Variants in FGGY observed in about 807,000 individuals in gnomAD.
FGGY encodes the protein FGGY carbohydrate kinase domain containing.
A neutral mutation model predicts 71.3 loss-of-function variants in FGGY; 72 were observed. The observed-to-expected ratio is 1.01, with a 90% CI of 0.84 to 1.23. FGGY has a LOEUF of 1.23. Among genes scored for constraint, FGGY ranks in the 50% most tolerant of loss-of-function variants. The probability of loss-of-function intolerance (pLI) is 0.00; values close to 1 mark genes in which losing one functional copy is unlikely to be tolerated. For synonymous variants in FGGY, 251 were observed against 250.3 expected (o/e 1.00, Z -0.02); for missense variants, 668 against 682.3 (o/e 0.98, Z 0.23).
Position 59,437,322 on chromosome 1 carries a change from C to T in FGGY, c.555-19639C>T, listed in dbSNP as rs79907692. Among the ~76,000 whole-genome samples, 530 of 152,304 alleles carry T rather than the reference C, an allele frequency of 3.5e-3. 5 individuals are homozygous for T. Among genetic ancestry groups the T allele is most frequent in the African/African-American group, 0.012 (481 of 41,562 alleles). On this transcript the variant is annotated intron_variant, in intron 5 of 15. Coordinates refer to ENST00000303721, the MANE Select transcript of FGGY (RefSeq NM_018291.5). The stretch of plus-strand genomic sequence containing the variant: ...AAAAGTGTGAGTGCAGAGATAAACC[C>T]ACTCCTGCCCTATAACGACAGTAAC...
At chr1:59,427,255 C>T (rs911953193) in intron 5 of FGGY, among the ~76,000 whole-genome samples, 1 of 152,194 alleles carries the variant, frequency 6.6e-6, no homozygotes, top group African/African-American at 2.4e-5. Flanking sequence ...TGTCTGGTGA[C>T]AGCAGCTGGG....
chr1:59,468,217 C>G (rs2092749401), intron 6 of FGGY, among the ~76,000 whole-genome samples: 1 of 152,116 alleles, frequency 6.6e-6, no homozygotes, highest in Admixed American at 6.6e-5. Context: ...TCAATTGTTT[C>G]TAAACCACAA....
chr1:59,681,339 TC>T (rs1440131327), intron 14 of FGGY, among the ~76,000 whole-genome samples: 1 of 151,996 alleles, frequency 6.6e-6, no homozygotes, highest in African/African-American at 2.4e-5. Context: ...CTCTCTCACC[TC>T]CCCCCACAAT....
chr1:59,752,028 A>C (rs1339302471), intron 14 of FGGY, among the ~76,000 whole-genome samples: 1 of 152,230 alleles, frequency 6.6e-6, no homozygotes, highest in Non-Finnish European at 1.5e-5. Flanking sequence ...CACTCTCCTC[A>C]CAAGAACCTC....
At chr1:59,569,756 G>A (rs1217845068) in intron 8 of FGGY, among the ~76,000 whole-genome samples, 3 of 152,150 alleles carry the variant, frequency 2.0e-5, no homozygotes. Flanking sequence ...TATGGAATTT[G>A]ATGCTCAGAA....
intron 2 of FGGY, among the ~76,000 whole-genome samples, chr1:59,331,088 G>C (rs558352461): frequency 6.6e-6 from 1 of 152,154 alleles, no homozygotes; most frequent in South Asian, 2.1e-4. Context: ...TAAATGGCTA[G>C]ATTAGACTAT....
intron 6 of FGGY, among the ~76,000 whole-genome samples, chr1:59,462,273 G>A (rs2092298033): frequency 6.6e-6 from 1 of 152,106 alleles, no homozygotes; most frequent in Non-Finnish European, 1.5e-5. Flanking sequence ...AGCTGAAACT[G>A]GATCCCTTCC....
chr1:59,422,488 A>C (rs573990166), intron 5 of FGGY, among the ~76,000 whole-genome samples: 2 of 152,266 alleles, frequency 1.3e-5, no homozygotes, highest in South Asian at 4.1e-4. Context: ...TGAGCCCAGG[A>C]GTTTGAGACC....
intron 5 of FGGY, among the ~76,000 whole-genome samples, chr1:59,404,530 G>C (rs1391353878): frequency 6.6e-6 from 1 of 152,160 alleles, no homozygotes; most frequent in African/African-American, 2.4e-5. Context: ...ATAGAGCACA[G>C]GTAGTTGTTG....
intron 13 of FGGY, 132 bp downstream of exon 13, chr1:59,667,535 T>C (rs953047638): frequency 8.7e-7 from 1 of 1,144,640 alleles, no homozygotes; most frequent in East Asian, 2.4e-5. Context: ...CTGAAGTCTT[T>C]ATATTCACAA....
intron 11 of FGGY, among the ~76,000 whole-genome samples, chr1:59,657,251 A>C (rs528969839): frequency 1.1e-4 from 16 of 152,230 alleles, no homozygotes; most frequent in Non-Finnish European, 1.2e-4. Context: ...CCCAACAAAA[A>C]TCATCCAAAT....
intron 6 of FGGY, among the ~76,000 whole-genome samples, chr1:59,466,702 A>G (rs1435071051): frequency 2.6e-5 from 4 of 152,254 alleles, no homozygotes; most frequent in African/African-American, 9.6e-5. Context: ...AACGGATATG[A>G]ACAGACACTT....
rs72664552 is a variant in FGGY at position 59,414,840 on chromosome 1, C to T, written c.554+36003C>T. Among the ~76,000 whole-genome samples, 841 of 152,346 alleles carry T rather than the reference C, an allele frequency of 5.5e-3. 2 individuals carry two copies. The highest frequency in any genetic ancestry group is 0.01 in the Admixed American group (158 of 15,304). ...CCCTCTGTGTCCTCCATTAGCTGAA[C>T]CTGGCTGGAGGCCAGAGGCAGAAGA... On this transcript the variant is annotated intron_variant, in intron 5 of 15. Coordinates refer to ENST00000303721, the MANE Select transcript of FGGY (RefSeq NM_018291.5).
chr1:59,758,834 G>C (rs1372528445), intron 15 of FGGY, among the ~76,000 whole-genome samples: 1 of 152,112 alleles, frequency 6.6e-6, no homozygotes, highest in Non-Finnish European at 1.5e-5. Flanking sequence ...GTAGGGGGAG[G>C]TCAGCTCATA....
chr1:59,682,501 G>A (rs1387412174), intron 14 of FGGY, among the ~76,000 whole-genome samples: 2 of 152,166 alleles, frequency 1.3e-5, no homozygotes. Flanking sequence ...TGACCCTCGG[G>A]TTTGTAACAG....
rs531109373 is a variant in FGGY at position 59,734,396 on chromosome 1, G to T, written c.1513-23535G>T. Among the ~76,000 whole-genome samples the T allele has an allele frequency of 7.9e-5, 12 of 152,168 alleles. No individual in the cohort carries two copies. The East Asian group carries it at 2.3e-3, about 30-fold the overall frequency. ...TTTTTGTGTTTTTTTGTAGAGACGG[G>T]GTTTTGCCACATTGGCCAGACTGAT... is the stretch of plus-strand genomic sequence containing the variant. On this transcript the variant is annotated intron_variant, in intron 14 of 15. Coordinates refer to ENST00000303721, the MANE Select transcript of FGGY (RefSeq NM_018291.5).
chr1:59,306,736 G>A (rs2043492941), intron 1 of FGGY, among the ~76,000 whole-genome samples: 1 of 152,210 alleles, frequency 6.6e-6, no homozygotes, highest in South Asian at 2.1e-4. Flanking sequence ...GGGAGGGAAG[G>A]TAGAGAATGG....
chr1:59,566,125 T>C lies in FGGY; in HGVS notation c.903+11898T>C, dbSNP rs567613766. On this transcript the variant is annotated intron_variant, in intron 8 of 15. Coordinates refer to ENST00000303721, the MANE Select transcript of FGGY (RefSeq NM_018291.5). Reference sequence around the variant, plus strand: ...TGTTGTGTGGGTGATTCTGATATTGTGGCTGCTGAGGGTTACCTGGCAGTA... The same window carrying C: ...TGTTGTGTGGGTGATTCTGATATTGCGGCTGCTGAGGGTTACCTGGCAGTA... Among the ~76,000 whole-genome samples, 43 of 152,142 alleles carry C rather than the reference T, an allele frequency of 2.8e-4. No individual in the cohort carries two copies. The East Asian group carries it at 3.1e-3, about 11-fold the overall frequency.
intron 14 of FGGY, among the ~76,000 whole-genome samples, chr1:59,725,611 G>C (rs1342295579): frequency 6.6e-6 from 1 of 151,712 alleles, no homozygotes; most frequent in East Asian, 1.9e-4. Context: ...TGTTTTTGTG[G>C]GGGTTTTTTT....
Sources: allele counts gnomAD v4.1 joint callset (sites outside exome capture counted in the v4.1 genomes callset), GRCh38; gene constraint gnomAD v4.1.1; transcripts MANE v1.5; gene names NCBI Gene and HGNC (gene_info 2026-07-23, HGNC 2026-07-21).